TAFA1: variants seen among roughly 807,000 people sequenced by gnomAD.
TAFA1 encodes the protein chemokine-like protein TAFA-1.
Under a neutral mutation model 18.5 loss-of-function variants are expected in TAFA1, and 4 were observed. That is an observed-to-expected ratio of 0.22 (90% CI 0.11 to 0.49). TAFA1 has a LOEUF of 0.49. TAFA1 is among the 20% of genes least tolerant of loss of function. The pLI, the probability that TAFA1 is intolerant of heterozygous loss-of-function variation, is 0.98. For synonymous variants in TAFA1, 56 were observed against 55.2 expected, an observed-to-expected ratio of 1.01 and a Z score of -0.06; for missense variants, 147 against 169.0, an observed-to-expected ratio of 0.87 and a Z score of 0.72.
intron 2 of TAFA1, among the ~76,000 whole-genome samples, chr3:68,021,024 A>G (rs1704676919): frequency 6.6e-6 from 1 of 151,798 alleles, no homozygotes; most frequent in African/African-American, 2.4e-5. Context: ...CATCTCTACT[A>G]AAAATACAAA....
chr3:68,140,803 A>G (rs2065659702), intron 2 of TAFA1, among the ~76,000 whole-genome samples: 1 of 152,228 alleles, frequency 6.6e-6, no homozygotes, highest in Non-Finnish European at 1.5e-5. Context: ...TGGGAGTTGA[A>G]TAATTTGCCC....
chr3:68,417,212 A>G lies in TAFA1; in HGVS notation c.119-68A>G. 2.9e-6 allele frequency: 4 copies of G among 1,378,850 alleles called. 1 individual carries two copies. The highest frequency in any genetic ancestry group is 2.5e-5 in the South Asian group (2 of 80,906). 85.4% of individuals were successfully genotyped at this position (1,378,850 alleles called of 1,614,324 possible). On this transcript the variant is annotated intron_variant, in intron 2 of 4. Transcript: ENST00000478136. Reference sequence around the variant, plus strand: ...TACTTTCCTCAACCCCGCTACATGCACTCCCAGGGGCTCGAATAGTCACTG... The same window carrying G: ...TACTTTCCTCAACCCCGCTACATGCGCTCCCAGGGGCTCGAATAGTCACTG...
Position 68,192,494 on chromosome 3 carries a change from C to T in TAFA1, c.118+185750C>T. The stretch of plus-strand genomic sequence containing the variant: ...GAGCACCATTATGATGTGCCTTCAT[C>T]ATCCCATTGAATGGAATCTGAATTT... On this transcript the variant is annotated intron_variant, in intron 2 of 4. Transcript: ENST00000478136. 2 of 197,962 alleles carry T rather than the reference C, an allele frequency of 1.0e-5. 1 individual carries two copies. The highest frequency in any genetic ancestry group is 2.2e-4 in the South Asian group (2 of 8,906). The allele number at this position is 197,962 out of a possible 1,614,324, so 12.3% of individuals were successfully genotyped here. A position where few individuals can be genotyped will look rare whatever the true frequency, so the allele number is the denominator to read the frequency against.
chr3:68,335,813 G>A (rs1002496242), intron 2 of TAFA1, among the ~76,000 whole-genome samples: 1 of 152,172 alleles, frequency 6.6e-6, no homozygotes, highest in Non-Finnish European at 1.5e-5. Context: ...AATGCCCTTA[G>A]AAAAGAAGAA....
chr3:68,111,813 G>T (rs7429275), intron 2 of TAFA1, among the ~76,000 whole-genome samples: 2,717 of 151,074 alleles, frequency 0.018, 79 homozygotes, highest in African/African-American at 0.062. Flanking sequence ...AAGAAATGTA[G>T]GGCAGGACAA....
chr3:68,145,896 A>G (rs1251033938), intron 2 of TAFA1, among the ~76,000 whole-genome samples: 3 of 152,212 alleles, frequency 2.0e-5, no homozygotes, highest in African/African-American at 7.2e-5. Context: ...TTCAAAGGGT[A>G]TAGCCTCCAT....
intron 3 of TAFA1, among the ~76,000 whole-genome samples, chr3:68,457,810 T>A (rs1404957930): frequency 2.0e-5 from 3 of 152,216 alleles, no homozygotes; most frequent in Admixed American, 2.0e-4. Context: ...AAGCTCCTGG[T>A]AACTACCATT....
At chr3:68,290,686 C>T (rs1319619495) in intron 2 of TAFA1, among the ~76,000 whole-genome samples, 1 of 152,156 alleles carries the variant, frequency 6.6e-6, no homozygotes, top group African/African-American at 2.4e-5. Context: ...ATTCTCTTCT[C>T]TTCACATAAG....
chr3:68,101,540 G>C (rs2065147871), intron 2 of TAFA1, among the ~76,000 whole-genome samples: 2 of 152,194 alleles, frequency 1.3e-5, no homozygotes, highest in Non-Finnish European at 2.9e-5. Flanking sequence ...GTAGGGACAT[G>C]GATGAAGGTG....
the TAFA1 span, among the ~76,000 whole-genome samples, chr3:67,998,354 T>C: frequency 6.6e-6 from 1 of 152,220 alleles, no homozygotes; most frequent in Admixed American, 6.5e-5. Context: ...ATGCCCTCAA[T>C]ATTCATTCTC....
At chr3:68,023,497 A>G (rs1437531410) in intron 2 of TAFA1, among the ~76,000 whole-genome samples, 4 of 152,182 alleles carry the variant, frequency 2.6e-5, no homozygotes, top group African/African-American at 7.2e-5. Flanking sequence ...CAGTTCTACC[A>G]TGTTCCTGGA....
At chr3:68,375,631 A>C (rs988142148) in intron 2 of TAFA1, among the ~76,000 whole-genome samples, 4 of 152,176 alleles carry the variant, frequency 2.6e-5, no homozygotes, top group Non-Finnish European at 5.9e-5. Flanking sequence ...TGTTCAATTC[A>C]ATTCATTAAA....
chr3:68,307,067 T>C (rs2068435906), intron 2 of TAFA1, among the ~76,000 whole-genome samples: 1 of 152,192 alleles, frequency 6.6e-6, no homozygotes, highest in Non-Finnish European at 1.5e-5. Context: ...TTTTCATCAA[T>C]AAGGTGTGAA....
intron 2 of TAFA1, chr3:68,246,949 C>T (rs1375722983): frequency 6.6e-6 from 1 of 152,076 alleles, no homozygotes; most frequent in Non-Finnish European, 1.5e-5. Context: ...TTCTTGGTGC[C>T]TCAATTTCTC....
intron 2 of TAFA1, among the ~76,000 whole-genome samples, chr3:68,092,310 G>A (rs1346443863): frequency 6.6e-6 from 1 of 151,954 alleles, no homozygotes; most frequent in Non-Finnish European, 1.5e-5. Flanking sequence ...CTGACAAAAT[G>A]TAAATATACC....
chr3:68,084,097 T>A (rs1575608040), intron 2 of TAFA1, among the ~76,000 whole-genome samples: 1 of 152,168 alleles, frequency 6.6e-6, no homozygotes, highest in East Asian at 1.9e-4. Flanking sequence ...TACCCTCAGT[T>A]CTGGAGGTGA....
At chr3:68,484,071 G>A (rs558394221) in intron 3 of TAFA1, among the ~76,000 whole-genome samples, 19 of 152,286 alleles carry the variant, frequency 1.2e-4, no homozygotes, top group Non-Finnish European at 2.4e-4. Context: ...AAAGACACAA[G>A]TAAACTTAAT....
intron 2 of TAFA1, among the ~76,000 whole-genome samples, chr3:68,389,639 T>C (rs1275877134): frequency 6.6e-6 from 1 of 152,120 alleles, no homozygotes. Context: ...GCGGGTGATT[T>C]CTGCATTTCT....
chr3:68,069,436 C>T (rs1306298186), intron 2 of TAFA1, among the ~76,000 whole-genome samples: 1 of 152,132 alleles, frequency 6.6e-6, no homozygotes, highest in African/African-American at 2.4e-5. Flanking sequence ...ATGATTCAAC[C>T]ACCTCCCACT....
Sources: allele counts gnomAD v4.1 joint callset (sites outside exome capture counted in the v4.1 genomes callset), GRCh38; gene constraint gnomAD v4.1.1; transcripts MANE v1.5; gene names NCBI Gene and HGNC (gene_info 2026-07-23, HGNC 2026-07-21).